The following CSMD1 variants were observed in gnomAD, a reference collection of about 807,000 sequenced individuals.
CSMD1 encodes CUB and sushi domain-containing protein 1.
A neutral mutation model predicts 417.5 loss-of-function variants in CSMD1; 213 were observed. The ratio of observed to expected loss-of-function variants is 0.51; its 90% CI spans 0.46 to 0.57. The LOEUF (loss-of-function observed/expected upper bound fraction) is 0.57, where lower values mean the gene tolerates loss of function less well. Ranked by LOEUF, CSMD1 falls within the 20% of genes least tolerant of loss-of-function variation. CSMD1 has a pLI of 0.00. For missense variants in CSMD1, 6,923 were observed against 4,529.7 expected (o/e 1.53, Z -15.17); for synonymous variants, 2,862 against 1,736.8 (o/e 1.65, Z -16.11).
intron 2 of CSMD1, among the ~76,000 whole-genome samples, chr8:4,567,248 G>C (rs1208376625): frequency 6.6e-6 from 1 of 152,062 alleles, no homozygotes; most frequent in Non-Finnish European, 1.5e-5. Flanking sequence ...TGAATGAATG[G>C]TTTCATTCAC....
intron 3 of CSMD1, among the ~76,000 whole-genome samples, chr8:4,179,060 A>G (rs1798210872): frequency 6.6e-6 from 1 of 152,176 alleles, no homozygotes; most frequent in Non-Finnish European, 1.5e-5. Flanking sequence ...CTTTCTTCAC[A>G]TAATTAGAAA....
chr8:4,047,456 A>C (rs1322989004), intron 3 of CSMD1, among the ~76,000 whole-genome samples: 1 of 152,224 alleles, frequency 6.6e-6, no homozygotes, highest in Non-Finnish European at 1.5e-5. Flanking sequence ...AATTCTTAAG[A>C]ATCATTATAG....
intron 23 of CSMD1, among the ~76,000 whole-genome samples, chr8:3,327,325 G>C (rs979183149): frequency 3.3e-5 from 5 of 151,950 alleles, no homozygotes; most frequent in African/African-American, 1.2e-4. Context: ...TGTAGAGATG[G>C]GGTTTCACCA....
At chr8:4,063,580 C>G (rs1245681470) in intron 3 of CSMD1, among the ~76,000 whole-genome samples, 3 of 152,132 alleles carry the variant, frequency 2.0e-5, no homozygotes, top group African/African-American at 7.2e-5. Context: ...AGCAATATTC[C>G]TTGGCACTGA....
chr8:3,155,063 T>C (rs35064719), intron 39 of CSMD1, among the ~76,000 whole-genome samples: 9,647 of 152,196 alleles, frequency 0.063, 425 homozygotes, highest in Middle Eastern at 0.12. Flanking sequence ...TGTGCTAATA[T>C]TTACGATGTT....
chr8:3,231,445 G>A (rs892437637), intron 26 of CSMD1, among the ~76,000 whole-genome samples: 1 of 152,110 alleles, frequency 6.6e-6, no homozygotes, highest in Admixed American at 6.6e-5. Flanking sequence ...AAGCCTTAAA[G>A]TAATGAGTAG....
At chr8:3,382,048 A>T (rs1810663026) in intron 18 of CSMD1, among the ~76,000 whole-genome samples, 1 of 152,140 alleles carries the variant, frequency 6.6e-6, no homozygotes. Context: ...ACCTGAGGTC[A>T]GGAGTTCGAG....
intron 5 of CSMD1, among the ~76,000 whole-genome samples, chr8:3,935,955 G>A (rs761982851): frequency 6.6e-6 from 1 of 152,074 alleles, no homozygotes; most frequent in Non-Finnish European, 1.5e-5. Flanking sequence ...TGAATGCAAA[G>A]GAAAAGTTCT....
chr8:4,987,460 T>C (rs1485872912), intron 1 of CSMD1, among the ~76,000 whole-genome samples: 1 of 152,216 alleles, frequency 6.6e-6, no homozygotes. Context: ...TTTATAATTA[T>C]CTGAATAATT....
intron 4 of CSMD1, among the ~76,000 whole-genome samples, chr8:4,014,712 G>C (rs1222842785): frequency 6.6e-6 from 1 of 152,170 alleles, no homozygotes; most frequent in East Asian, 1.9e-4. Flanking sequence ...GAATGACAAA[G>C]TCCTTGCTGG....
intron 2 of CSMD1, among the ~76,000 whole-genome samples, chr8:4,444,040 G>C (rs1798635979): frequency 6.6e-6 from 1 of 152,100 alleles, no homozygotes; most frequent in African/African-American, 2.4e-5. Flanking sequence ...CACTATCTTT[G>C]AGAAGAGTAA....
In CSMD1 at chr8:3,200,070, T is replaced by TA. The variant is rs555241665; in HGVS notation, c.5099-262_5099-261insT. Among the ~76,000 whole-genome samples the TA allele has an allele frequency of 5.0e-3, 758 of 152,234 alleles. 3 individuals are homozygous for TA. Among genetic ancestry groups the TA allele is most frequent in the Non-Finnish European group, 8.6e-3 (582 of 68,012 alleles). ...TGATTTCTTTTGAAGAAAGCACCAATGGTAGGCCTATATAATAGAGTAGAC... is the reference window on the plus strand; with the variant it reads ...TGATTTCTTTTGAAGAAAGCACCAATAGGTAGGCCTATATAATAGAGTAGAC... On this transcript the variant is annotated intron_variant, in intron 32 of 69. Transcript: ENST00000635120.
At chr8:3,100,906 C>G (rs761601296) in intron 46 of CSMD1, among the ~76,000 whole-genome samples, 1 of 152,094 alleles carries the variant, frequency 6.6e-6, no homozygotes, top group Non-Finnish European at 1.5e-5. Flanking sequence ...TGCCCCAGAG[C>G]CCTTGTGATG....
chr8:4,189,252 G>A (rs949635460), intron 3 of CSMD1, among the ~76,000 whole-genome samples: 2 of 152,248 alleles, frequency 1.3e-5, no homozygotes, highest in South Asian at 4.2e-4. Flanking sequence ...GCCCACCTTT[G>A]CCCATCTGTA....
At chr8:3,773,176 A>C (rs1361952432) in intron 5 of CSMD1, among the ~76,000 whole-genome samples, 8 of 152,168 alleles carry the variant, frequency 5.3e-5, no homozygotes, top group Admixed American at 5.2e-4. Flanking sequence ...CATGAACTCT[A>C]GGGGGACACT....
chr8:4,516,415 G>A (rs1410361954), intron 2 of CSMD1, among the ~76,000 whole-genome samples: 1 of 152,156 alleles, frequency 6.6e-6, no homozygotes, highest in African/African-American at 2.4e-5. Context: ...CCAAGCTGCT[G>A]GTGTCCATGG....
chr8:3,875,210 C>G lies in CSMD1; in HGVS notation c.819-121168G>C, dbSNP rs1585124715. Reference sequence around the variant, plus strand: ...GAAGGAGTGGAACAGTGAGGCCATTCGGGAGCCACCACAATGGTCCTCATG... The same window carrying G: ...GAAGGAGTGGAACAGTGAGGCCATTGGGGAGCCACCACAATGGTCCTCATG... On this transcript the variant is annotated intron_variant, in intron 5 of 69. Transcript: ENST00000635120. 1.3e-5 allele frequency among the ~76,000 whole-genome samples: 2 copies of G among 152,074 alleles called. 1 individual carries two copies. The highest frequency in any genetic ancestry group is 4.1e-4 in the South Asian group (2 of 4,822).
chr8:4,144,008 G>A (rs1300512852), intron 3 of CSMD1, among the ~76,000 whole-genome samples: 2 of 151,328 alleles, frequency 1.3e-5, no homozygotes, highest in Non-Finnish European at 2.9e-5. Context: ...CACGGTGGAA[G>A]GAGGAGGGCT....
chr8:4,043,651 T>G (rs1249775827), intron 3 of CSMD1, among the ~76,000 whole-genome samples: 2 of 152,070 alleles, frequency 1.3e-5, no homozygotes, highest in Admixed American at 1.3e-4. Flanking sequence ...ATTCTAGGAG[T>G]GGTGGTTCCT....
Sources: allele counts gnomAD v4.1 joint callset (sites outside exome capture counted in the v4.1 genomes callset), GRCh38; gene constraint gnomAD v4.1.1; transcripts MANE v1.5; gene names NCBI Gene and HGNC (gene_info 2026-07-23, HGNC 2026-07-21).